The following CFAP99 variants were observed in gnomAD, a reference collection of about 807,000 sequenced individuals.
CFAP99 encodes cilia and flagella associated protein 99.
CFAP99 carries 84 observed loss-of-function variants against 82.7 expected under a neutral mutation model. That is an observed-to-expected ratio of 1.02 (90% CI 0.85 to 1.22). The LOEUF (loss-of-function observed/expected upper bound fraction) is 1.22. CFAP99 is among the 50% of genes most tolerant of loss of function. The probability of loss-of-function intolerance (pLI) is 0.00; values close to 1 mark genes in which losing one functional copy is unlikely to be tolerated. For synonymous variants in CFAP99, 456 were observed against 429.5 expected, an observed-to-expected ratio of 1.06 and a Z score of -0.76; for missense variants, 1,059 against 983.5, an observed-to-expected ratio of 1.08 and a Z score of -1.03.
At chr4:2,458,386 T>C (rs1734485553) in intron 11 of CFAP99, among the ~76,000 whole-genome samples, 1 of 151,940 alleles carries the variant, frequency 6.6e-6, no homozygotes, top group South Asian at 2.1e-4. Flanking sequence ...CCTACCCTGG[T>C]TCCCTCCACT....
rs1331103343 is a variant in CFAP99, at chr4:2,448,365, T to C, written c.643-1305T>C. Reference sequence around the variant, plus strand: ...GTGCCTCTCAGTACAATCTGTGAGATGTTTGTGGACATGTACCTTCTCTGC... The same window carrying C: ...GTGCCTCTCAGTACAATCTGTGAGACGTTTGTGGACATGTACCTTCTCTGC... On this transcript the variant is annotated intron_variant, in intron 6 of 14. Transcript: ENST00000635017. The surrounding 1 kb of genome is among the most constrained non-coding windows in gnomAD (Gnocchi z 5.2). 1.3e-5 allele frequency among the ~76,000 whole-genome samples: 2 copies of C among 152,172 alleles called. No homozygotes were observed. Among genetic ancestry groups the C allele is most frequent in the African/African-American group, 2.4e-5 (1 of 41,434 alleles).
intron 2 of CFAP99, among the ~76,000 whole-genome samples, chr4:2,431,266 G>A (rs553137870): frequency 7.9e-5 from 12 of 152,140 alleles, no homozygotes; most frequent in Admixed American, 1.3e-4. Context: ...CTACTCGGGA[G>A]GCTGAGGTAG....
chr4:2,458,420 G>T (rs1032772040), intron 11 of CFAP99, among the ~76,000 whole-genome samples: 1 of 152,090 alleles, frequency 6.6e-6, no homozygotes, highest in African/African-American at 2.4e-5. Flanking sequence ...GTTGCTACTG[G>T]GTGCACTGGG....
intron 14 of CFAP99, 77 bp downstream of exon 14, chr4:2,460,319 T>G (rs956331940): frequency 1.5e-6 from 2 of 1,354,596 alleles, no homozygotes; most frequent in Non-Finnish European, 1.0e-6. Flanking sequence ...CCCTCCTGGG[T>G]GGGTCTCCTA....
At chr4:2,460,216 A>G in exon 14 of CFAP99, 1 of 1,536,050 alleles carries the variant, frequency 6.5e-7, no homozygotes, top group Non-Finnish European at 8.7e-7. Flanking sequence ...TGTGCCGTGC[A>G]GCCATGGGGA....
chr4:2,452,471 G>A (rs1406388665), intron 11 of CFAP99, 125 bp downstream of exon 11: 5 of 1,018,842 alleles, frequency 4.9e-6, no homozygotes, highest in Non-Finnish European at 5.7e-6. Flanking sequence ...AGCTACTGAT[G>A]TGTTGGTCCT....
chr4:2,449,970 T>G, exon 8 of CFAP99: 1 of 1,536,178 alleles, frequency 6.5e-7, no homozygotes, highest in Non-Finnish European at 8.7e-7. Flanking sequence ...GGAACTGCGC[T>G]GCGCCATGCC....
At chr4:2,435,032 A>G (rs935513519) in intron 2 of CFAP99, among the ~76,000 whole-genome samples, 1 of 152,080 alleles carries the variant, frequency 6.6e-6, no homozygotes, top group African/African-American at 2.4e-5. Flanking sequence ...GGGGTGGCTC[A>G]CACCTGTAAT....
At chr4:2,440,043 T>C (rs1040793680) in intron 4 of CFAP99, among the ~76,000 whole-genome samples, 27 of 151,982 alleles carry the variant, frequency 1.8e-4, no homozygotes, top group Non-Finnish European at 2.8e-4. Context: ...GGTTTCACCA[T>C]GTTGGCCAGG....
intron 6 of CFAP99, among the ~76,000 whole-genome samples, chr4:2,445,879 A>G (rs1734152263): frequency 1.3e-5 from 2 of 152,222 alleles, no homozygotes; most frequent in African/African-American, 2.4e-5. Context: ...CTTCTCGTAT[A>G]GGTGCATGAG....
In CFAP99 at chr4:2,462,851, C is replaced by T; in HGVS notation, c.2070C>T (p.Ser690=). 3 of 1,392,422 alleles carry T rather than the reference C, an allele frequency of 2.2e-6. No individual in the cohort carries two copies. The highest frequency in any genetic ancestry group is 1.5e-5 in the African/African-American group (1 of 66,422). The allele number at this position is 1,392,422 out of a possible 1,614,324, so 86.3% of individuals were successfully genotyped here. A position where few individuals can be genotyped will look rare whatever the true frequency, so the allele number is the denominator to read the frequency against. Residue 690 remains serine, a synonymous_variant, in exon 15 of 15, where the codon AGC becomes AGT. Coordinates refer to ENST00000635017, the Ensembl canonical transcript of CFAP99. This position sits in a 1 kb window ranked among gnomAD's most constrained non-coding sequence, Gnocchi z 4.1. The stretch of plus-strand genomic sequence containing the variant: ...AGCACTGGCTGGAGCTGGAGCGGAG[C>T]CGCGAGCGCAGGCTGCAGGCGCTGC...
chr4:2,431,132 G>T (rs1034768510), intron 2 of CFAP99, among the ~76,000 whole-genome samples: 2 of 151,970 alleles, frequency 1.3e-5, no homozygotes, highest in African/African-American at 2.4e-5. Flanking sequence ...ACTTTGAGAG[G>T]CCGGGGCAGG....
chr4:2,425,776 C>T (rs1471189813), intron 1 of CFAP99, among the ~76,000 whole-genome samples: 4 of 152,150 alleles, frequency 2.6e-5, no homozygotes, highest in African/African-American at 7.2e-5. Context: ...GGGTCCCAGC[C>T]TCCCCCTAGG....
At chr4:2,440,662 C>T (rs922391007) in intron 4 of CFAP99, among the ~76,000 whole-genome samples, 9 of 151,320 alleles carry the variant, frequency 5.9e-5, no homozygotes, top group East Asian at 2.0e-4. Context: ...GCGTGATCTC[C>T]GCTCACTGCA....
chr4:2,456,899 G>A (rs1320337086), intron 11 of CFAP99, among the ~76,000 whole-genome samples: 2 of 151,486 alleles, frequency 1.3e-5, no homozygotes, highest in East Asian at 1.9e-4. Flanking sequence ...ACTCCTGGGT[G>A]AGGAATGACA....
chr4:2,460,033 A>G lies in CFAP99; in HGVS notation c.1456-4A>G, dbSNP rs1458539785. ...AGCTTGGGGCCTCCCCTACCACCCC[A>G]CAGATCCCCGGCTACGGCCTGGAAG... On this transcript the variant is annotated splice_polypyrimidine_tract_variant and splice_region_variant and intron_variant, in intron 13 of 14. Transcript: ENST00000635017. 1.3e-6 allele frequency: 2 copies of G among 1,535,706 alleles called. No individual in the cohort carries two copies. The highest frequency in any genetic ancestry group is 3.9e-5 in the Admixed American group (2 of 50,996).
chr4:2,449,167 C>T (rs1298642893), intron 6 of CFAP99, among the ~76,000 whole-genome samples: 1 of 152,050 alleles, frequency 6.6e-6, no homozygotes, highest in Non-Finnish European at 1.5e-5. Flanking sequence ...ACAGCTCCGG[C>T]CATATTATCG....
intron 11 of CFAP99, among the ~76,000 whole-genome samples, chr4:2,454,581 C>CTTTTTTTTTTTTGTTTTTTTTT (rs1459688913): frequency 1.1e-5 from 1 of 94,718 alleles, no homozygotes; most frequent in Non-Finnish European, 2.1e-5. Context: ...TGTTTTTTTT[C>CTTTTTTTTTTTTGTTTTTTTTT]TTTTTTTTTT....
Position 2,446,368 on chromosome 4 carries a change from GTTATTA to G in CFAP99, c.642+1096_642+1101del, listed in dbSNP as rs146154713. 0.021 allele frequency among the ~76,000 whole-genome samples: 3,051 copies of G among 148,426 alleles called. 55 individuals are homozygous for G. The highest frequency in any genetic ancestry group is 0.04 in the African/African-American group (1,600 of 40,076). ...CTTTTTATTTCATTTTATTATTGTT[GTTATTA>G]TTATTATTATTATTATTATTATTAT... On this transcript the variant is annotated intron_variant, in intron 6 of 14. Transcript: ENST00000635017. The surrounding 1 kb of genome is among the most constrained non-coding windows in gnomAD (Gnocchi z 5.0).
Sources: allele counts gnomAD v4.1 joint callset (sites outside exome capture counted in the v4.1 genomes callset), GRCh38; gene constraint gnomAD v4.1.1; non-coding constraint Gnocchi (gnomAD v3.1); transcripts MANE v1.5; gene names NCBI Gene and HGNC (gene_info 2026-07-23, HGNC 2026-07-21).